Variants in GSE1 observed in about 807,000 individuals in gnomAD.
The protein encoded by GSE1 is genetic suppressor element 1.
Under a neutral mutation model 112.6 loss-of-function variants are expected in GSE1, and 32 were observed. That is an observed-to-expected ratio of 0.28 (90% CI 0.21 to 0.38). The LOEUF is 0.38. Among genes scored for constraint, GSE1 ranks in the 10% least tolerant of loss-of-function variants. The pLI is 1.00. For synonymous variants in GSE1, 1,115 were observed against 735.6 expected (o/e 1.52, Z -8.35); for missense variants, 2,348 against 1,699.2 (o/e 1.38, Z -6.71).
chr16:85,632,071 C>T (rs1409935504), intron 1 of GSE1, among the ~76,000 whole-genome samples: 4 of 152,332 alleles, frequency 2.6e-5, no homozygotes, highest in South Asian at 2.1e-4. Context: ...AGGCAGAGCC[C>T]CCGCCCTCCC....
chr16:85,611,691 G>A (rs1045216864), upstream of GSE1, among the ~76,000 whole-genome samples: 6 of 152,156 alleles, frequency 3.9e-5, no homozygotes, highest in Non-Finnish European at 8.8e-5. Context: ...GGAGCGTGGG[G>A]CCTGAGGGAG....
At chr16:85,610,363 A>G (rs562865098), upstream of GSE1, among the ~76,000 whole-genome samples, 16 of 152,296 alleles carry the variant, frequency 1.1e-4, no homozygotes, top group African/African-American at 3.8e-4. Context: ...GGCTCGCACT[A>G]TCTGGGGGCG....
At chr16:85,460,359 T>G (rs1049479926) in intron 2 of GSE1, among the ~76,000 whole-genome samples, 2 of 152,142 alleles carry the variant, frequency 1.3e-5, no homozygotes, top group East Asian at 3.9e-4. Context: ...CAGCCTGGTA[T>G]TTTCTTAAAC....
intron 1 of GSE1, among the ~76,000 whole-genome samples, chr16:85,174,272 G>A (rs2074416146): frequency 6.6e-6 from 1 of 152,224 alleles, no homozygotes; most frequent in Non-Finnish European, 1.5e-5. Context: ...TGAAGGCTCA[G>A]GGGAGCAATA....
intron 1 of GSE1, among the ~76,000 whole-genome samples, chr16:85,596,458 A>G (rs765415350): frequency 1.3e-5 from 2 of 152,220 alleles, no homozygotes; most frequent in Non-Finnish European, 2.9e-5. Context: ...CCTCCCAGGA[A>G]GATTCCGCCT....
rs556528527 is a variant in GSE1, at chr16:85,419,122, G to A, written c.2464+61479G>A. On this transcript the variant is annotated intron_variant, in intron 2 of 2. Transcript: ENST00000637419. The surrounding 1 kb of genome is among the most constrained non-coding windows in gnomAD (Gnocchi z 6.5). ...TGGCGTGTAAAGCTGGGAGACTGGG[G>A]AGACACCTTGGGAGTGAGTGACGTG... Among the ~76,000 whole-genome samples the A allele has an allele frequency of 1.9e-4, 29 of 152,306 alleles. No individual in the cohort carries two copies. In the South Asian group the frequency reaches 6.0e-3, roughly 32 times the overall value.
At chr16:85,246,237 A>G (rs1266680819) in intron 1 of GSE1, among the ~76,000 whole-genome samples, 105 of 108,376 alleles carry the variant, frequency 9.7e-4, no homozygotes, top group Non-Finnish European at 1.4e-3. Flanking sequence ...ACACACACAC[A>G]CGCACACCAC....
chr16:85,421,993 C>T (rs548671756), intron 2 of GSE1, among the ~76,000 whole-genome samples: 75 of 152,208 alleles, frequency 4.9e-4, no homozygotes, highest in African/African-American at 1.6e-3. Context: ...ATTGTCTTTC[C>T]GGGGGCCCCT....
At chr16:85,554,336 A>G (rs1166908989), upstream of GSE1, among the ~76,000 whole-genome samples, 1 of 152,120 alleles carries the variant, frequency 6.6e-6, no homozygotes, top group Non-Finnish European at 1.5e-5. Flanking sequence ...GGAGAGATAC[A>G]GGCTCCACAC....
chr16:85,512,885 C>T (rs139284566), intron 2 of GSE1, among the ~76,000 whole-genome samples: 10 of 152,162 alleles, frequency 6.6e-5, no homozygotes, highest in African/African-American at 1.7e-4. Context: ...AGCTGGGCAG[C>T]GGTGCATCAC....
intron 2 of GSE1, among the ~76,000 whole-genome samples, chr16:85,486,674 G>A (rs900507676): frequency 6.6e-6 from 1 of 152,130 alleles, no homozygotes; most frequent in Admixed American, 6.5e-5. Flanking sequence ...GATGGTGGGA[G>A]CGCCGTCCCG....
At chr16:85,415,100 A>G (rs1267015303) in intron 2 of GSE1, among the ~76,000 whole-genome samples, 4 of 152,104 alleles carry the variant, frequency 2.6e-5, no homozygotes, top group African/African-American at 4.8e-5. Context: ...GTGCACCACC[A>G]TGCTAATTTT....
At chr16:85,434,338 TAA>T (rs1491371515) in intron 2 of GSE1, among the ~76,000 whole-genome samples, 11 of 150,182 alleles carry the variant, frequency 7.3e-5, no homozygotes, top group African/African-American at 2.7e-4. Flanking sequence ...ATAATAATAA[TAA>T]TAATAATCAG....
At chr16:85,509,693 G>C (rs966130978) in intron 2 of GSE1, among the ~76,000 whole-genome samples, 1 of 152,238 alleles carries the variant, frequency 6.6e-6, no homozygotes. Flanking sequence ...GGCCATGCCG[G>C]GTGGGAGACG....
rs891420655 is a variant in GSE1 at position 85,656,627 on chromosome 16, G to C, written c.1274G>C (p.Arg425Pro). Reference sequence around the variant, plus strand: ...CTGCGTGGCCATGCCACTGAGGAGCGGGGCAAGCCCTCGGAGCAGCTGACC... The same window carrying C: ...CTGCGTGGCCATGCCACTGAGGAGCCGGGCAAGCCCTCGGAGCAGCTGACC... Reference protein sequence around the residue: ...HGLRGHATEERGKPSEQLTPT... With the variant: ...HGLRGHATEEPGKPSEQLTPT... The change falls in exon 7 of 16, where the codon CGG becomes CCG. Residue 425 changes from arginine (R) to proline (P), a missense_variant. By Grantham distance (103) the Arg-to-Pro change is moderately radical. Transcript: ENST00000253458. 1 of 1,539,616 alleles carries C rather than the reference G, an allele frequency of 6.5e-7. No individual in the cohort carries two copies. Among genetic ancestry groups the C allele is most frequent in the Non-Finnish European group, 8.8e-7 (1 of 1,141,382 alleles).
chr16:85,493,117 G>A (rs904920362), intron 2 of GSE1, among the ~76,000 whole-genome samples: 2 of 152,220 alleles, frequency 1.3e-5, no homozygotes, highest in African/African-American at 2.4e-5. Context: ...GGTGAGCCCT[G>A]TGTTCTCCAG....
chr16:85,191,958 C>T (rs1363038763), intron 1 of GSE1, among the ~76,000 whole-genome samples: 1 of 152,114 alleles, frequency 6.6e-6, no homozygotes, highest in Non-Finnish European at 1.5e-5. Flanking sequence ...GGGCAGGGCA[C>T]CAAGGAGGAC....
chr16:85,305,441 G>T (rs1480058529), intron 1 of GSE1, among the ~76,000 whole-genome samples: 1 of 149,834 alleles, frequency 6.7e-6, no homozygotes. Flanking sequence ...TGAGCCACAT[G>T]CCCAGCCAGC....
At chr16:85,278,242 T>C (rs1361544873) in intron 1 of GSE1, among the ~76,000 whole-genome samples, 5 of 152,180 alleles carry the variant, frequency 3.3e-5, no homozygotes, top group Non-Finnish European at 5.9e-5. Flanking sequence ...CCCAGGCCCT[T>C]TGCAGAGTGT....
Sources: allele counts gnomAD v4.1 joint callset (sites outside exome capture counted in the v4.1 genomes callset), GRCh38; gene constraint gnomAD v4.1.1; non-coding constraint Gnocchi (gnomAD v3.1); transcripts MANE v1.5; gene names NCBI Gene and HGNC (gene_info 2026-07-23, HGNC 2026-07-21).